The following MAPKAPK2 variants were observed in gnomAD, a reference collection of about 807,000 sequenced individuals.
The protein encoded by MAPKAPK2 is MAPK activated protein kinase 2, also known as MAP kinase-activated protein kinase 2.
A neutral mutation model predicts 48.8 loss-of-function variants in MAPKAPK2; 9 were observed. The ratio of observed to expected loss-of-function variants is 0.18; its 90% CI spans 0.11 to 0.32. The LOEUF is 0.32. Ranked by LOEUF, MAPKAPK2 falls within the 10% of genes least tolerant of loss-of-function variation. The pLI is 1.00. For synonymous variants in MAPKAPK2, 202 were observed against 190.6 expected (o/e 1.06, Z -0.49); for missense variants, 331 against 498.3 (o/e 0.66, Z 3.20).
intron 1 of MAPKAPK2, among the ~76,000 whole-genome samples, chr1:206,725,202 G>A (rs1225129847): frequency 6.6e-6 from 1 of 152,340 alleles, no homozygotes; most frequent in East Asian, 1.9e-4. Flanking sequence ...CACTCCTAAC[G>A]TGTTCAGGGC....
intron 1 of MAPKAPK2, among the ~76,000 whole-genome samples, chr1:206,710,856 A>G (rs1553429343): frequency 6.6e-6 from 1 of 152,242 alleles, no homozygotes; most frequent in Non-Finnish European, 1.5e-5. Flanking sequence ...TGTTCAAATT[A>G]CTCTGGATAA....
intron 1 of MAPKAPK2, among the ~76,000 whole-genome samples, chr1:206,702,806 A>G (rs367761403): frequency 6.6e-6 from 1 of 152,282 alleles, no homozygotes; most frequent in African/African-American, 2.4e-5. Context: ...CCTTGCATTT[A>G]TCTGCTTCCA....
chr1:206,695,770 CTCT>C (rs1672601992), intron 1 of MAPKAPK2: 851 of 198,958 alleles, frequency 4.3e-3, no homozygotes, highest in South Asian at 5.9e-3. Context: ...CTCTCTCTCT[CTCT>C]TTTTTTTTTT....
intron 1 of MAPKAPK2, among the ~76,000 whole-genome samples, chr1:206,720,469 A>G (rs1673479371): frequency 6.6e-6 from 1 of 152,134 alleles, no homozygotes; most frequent in African/African-American, 2.4e-5. Flanking sequence ...TTCCCACCTC[A>G]GCCTCCCAAG....
intron 1 of MAPKAPK2, among the ~76,000 whole-genome samples, chr1:206,697,905 G>T (rs1477650848): frequency 6.6e-6 from 1 of 152,268 alleles, no homozygotes; most frequent in Non-Finnish European, 1.5e-5. Context: ...CCTAGGACCT[G>T]TCTGGGCCTC....
chr1:206,724,376 T>C (rs1399713480), intron 1 of MAPKAPK2, among the ~76,000 whole-genome samples: 3 of 152,166 alleles, frequency 2.0e-5, no homozygotes, highest in African/African-American at 7.2e-5. Context: ...TCTCCAGGCC[T>C]TCTGCGCTCC....
chr1:206,725,350 G>A (rs1450435079), intron 1 of MAPKAPK2, among the ~76,000 whole-genome samples: 1 of 152,134 alleles, frequency 6.6e-6, no homozygotes, highest in African/African-American at 2.4e-5. Context: ...CTGGGCTGAA[G>A]ACAGAAACCC....
intron 1 of MAPKAPK2, among the ~76,000 whole-genome samples, chr1:206,718,564 A>T (rs1553430774): frequency 2.0e-5 from 3 of 151,428 alleles, no homozygotes. Flanking sequence ...ATAGGATGTT[A>T]AAGATAAAGC....
chr1:206,715,552 C>T (rs1478925643), intron 1 of MAPKAPK2, among the ~76,000 whole-genome samples: 6 of 151,570 alleles, frequency 4.0e-5, no homozygotes, highest in African/African-American at 7.3e-5. Flanking sequence ...AAATGCATTC[C>T]CTTTTGGGAT....
chr1:206,732,048 A>C lies in MAPKAPK2; in HGVS notation c.1059+129A>C, dbSNP rs782384803. 1.2e-6 allele frequency: 2 copies of C among 1,614,140 alleles called. No individual in the cohort carries two copies. The highest frequency in any genetic ancestry group is 1.1e-5 in the South Asian group (1 of 91,086). Reference sequence around the variant, plus strand: ...CCTCTCTCATCCCAGGGGTGTCTTCATGACAAGAACAGCGACCAGGCCACT... The same window carrying C: ...CCTCTCTCATCCCAGGGGTGTCTTCCTGACAAGAACAGCGACCAGGCCACT... On this transcript the variant is annotated intron_variant, in intron 9 of 9. Coordinates refer to ENST00000367103, the MANE Select transcript of MAPKAPK2 (RefSeq NM_032960.4). This position sits in a 1 kb window ranked among gnomAD's most constrained non-coding sequence, Gnocchi z 4.4.
chr1:206,697,806 A>C (rs1449950803), intron 1 of MAPKAPK2, among the ~76,000 whole-genome samples: 2 of 152,360 alleles, frequency 1.3e-5, no homozygotes, highest in East Asian at 1.9e-4. Context: ...TCCATGCCAC[A>C]ACAGATTTAC....
At chr1:206,719,846 T>C (rs1243480593) in intron 1 of MAPKAPK2, among the ~76,000 whole-genome samples, 1 of 152,254 alleles carries the variant, frequency 6.6e-6, no homozygotes, top group African/African-American at 2.4e-5. Context: ...CAGCATCTTA[T>C]TTCTTTCCTT....
At chr1:206,723,963 C>T (rs374283908) in intron 1 of MAPKAPK2, among the ~76,000 whole-genome samples, 51 of 152,384 alleles carry the variant, frequency 3.3e-4, no homozygotes, top group African/African-American at 9.4e-4. Context: ...ACCTTTTCTA[C>T]GTGTAAGAGA....
chr1:206,687,877 A>G (rs917456910), intron 1 of MAPKAPK2, among the ~76,000 whole-genome samples: 23 of 152,354 alleles, frequency 1.5e-4, no homozygotes, highest in African/African-American at 5.5e-4. Flanking sequence ...GCTGGGGGCT[A>G]GGGCAGAGCT....
intron 1 of MAPKAPK2, among the ~76,000 whole-genome samples, chr1:206,689,534 T>C (rs1352844667): frequency 6.6e-6 from 1 of 152,232 alleles, no homozygotes; most frequent in Non-Finnish European, 1.5e-5. Context: ...CTCTTTTATA[T>C]GCAATATGGT....
At chr1:206,726,344 G>GC (rs1673701479) in intron 1 of MAPKAPK2, among the ~76,000 whole-genome samples, 1 of 152,244 alleles carries the variant, frequency 6.6e-6, no homozygotes, top group Admixed American at 6.5e-5. Flanking sequence ...CCAAGATTGT[G>GC]CCACTGCACT....
At chr1:206,730,964 T>C (rs1673882639) in intron 6 of MAPKAPK2, among the ~76,000 whole-genome samples, 174 bp from the exon 7 acceptor site, 1 of 152,216 alleles carries the variant, frequency 6.6e-6, no homozygotes, top group Non-Finnish European at 1.5e-5. Context: ...AGATACTTGC[T>C]ATGCTGGATT....
rs572147761 is a variant in MAPKAPK2 at position 206,702,979 on chromosome 1, T to A, written c.279+17471T>A. 2.0e-5 allele frequency among the ~76,000 whole-genome samples: 3 copies of A among 152,358 alleles called. No homozygotes were observed. In the South Asian group the frequency reaches 6.2e-4, roughly 32 times the overall value. ...CTAGTGAGGGTTCATTCTGCCTGCA[T>A]GACTGCTATGCACTCAAATTACAGC... On this transcript the variant is annotated intron_variant, in intron 1 of 9. Coordinates refer to ENST00000367103, the MANE Select transcript of MAPKAPK2 (RefSeq NM_032960.4).
intron 1 of MAPKAPK2, among the ~76,000 whole-genome samples, chr1:206,723,809 T>G: frequency 6.6e-6 from 1 of 152,230 alleles, no homozygotes; most frequent in Non-Finnish European, 1.5e-5. Context: ...GGACTGTATT[T>G]AGGCAGCTCC....
Sources: allele counts gnomAD v4.1 joint callset (sites outside exome capture counted in the v4.1 genomes callset), GRCh38; gene constraint gnomAD v4.1.1; non-coding constraint Gnocchi (gnomAD v3.1); transcripts MANE v1.5; gene names NCBI Gene and HGNC (gene_info 2026-07-23, HGNC 2026-07-21).